TRDN: variants seen among roughly 807,000 people sequenced by gnomAD.
TRDN encodes the protein triadin in skeletal muscle.
TRDN carries 161 observed loss-of-function variants against 149.7 expected under a neutral mutation model. The observed-to-expected ratio is 1.08, with a 90% CI of 0.95 to 1.23. The LOEUF is 1.23. Among genes scored for constraint, TRDN ranks in the 50% most tolerant of loss-of-function variants. The pLI is 0.00. For missense variants in TRDN, 896 were observed against 823.5 expected, an observed-to-expected ratio of 1.09 and a Z score of -1.08; for synonymous variants, 294 against 250.5, an observed-to-expected ratio of 1.17 and a Z score of -1.64.
At chr6:123,299,740 A>AAAAATGAGCTAAGAGC (rs1778335748) in intron 24 of TRDN, among the ~76,000 whole-genome samples, 2 of 152,090 alleles carry the variant, frequency 1.3e-5, no homozygotes, top group South Asian at 4.1e-4. Context: ...AAAGTAGAAA[A>AAAAATGAGCTAAGAGC]AAAATGAGCT....
chr6:123,362,220 T>C (rs983557685), intron 20 of TRDN, among the ~76,000 whole-genome samples: 2 of 152,184 alleles, frequency 1.3e-5, no homozygotes, highest in Non-Finnish European at 2.9e-5. Flanking sequence ...AATCTCTCTC[T>C]CTTCCAATCT....
In TRDN at chr6:123,456,740, G is replaced by A. The variant is rs188879690; in HGVS notation, c.931+8166C>T. ...CACCTTGGCCTCCCAAAGTGTTGGGGATTACAGCATTCCTTATCCTTTATT... is the reference window on the plus strand; with the variant it reads ...CACCTTGGCCTCCCAAAGTGTTGGGAATTACAGCATTCCTTATCCTTTATT... On this transcript the variant is annotated intron_variant, in intron 10 of 40. Transcript: ENST00000334268. The A allele has an allele frequency of 9.9e-4, 446 of 452,740 alleles. 1 individual carries two copies. The highest frequency in any genetic ancestry group is 8.3e-3 in the African/African-American group (415 of 50,068). The allele number at this position is 452,740 out of a possible 1,614,324, so 28.0% of individuals were successfully genotyped here. A position where few individuals can be genotyped will look rare whatever the true frequency, so the allele number is the denominator to read the frequency against.
At chr6:123,461,820 G>A (rs541796689) in intron 10 of TRDN, among the ~76,000 whole-genome samples, 36 of 152,224 alleles carry the variant, frequency 2.4e-4, no homozygotes, top group Middle Eastern at 3.4e-3. Flanking sequence ...CACCTATAAT[G>A]TTAATATTAT....
In TRDN at chr6:123,570,969, A is replaced by G. The variant is rs754062517; in HGVS notation, c.186T>C (p.Ala62=). 1.2e-6 allele frequency: 2 copies of G among 1,613,894 alleles called. No homozygotes were observed. The highest frequency in any genetic ancestry group is 1.3e-5 in the African/African-American group (1 of 74,934). ...CTAAATCAAACATAACGATGGCAACAGCTGACCACGTGATTATCAGGGCAA... is the reference window on the plus strand; with the variant it reads ...CTAAATCAAACATAACGATGGCAACGGCTGACCACGTGATTATCAGGGCAA... ...LVIALIITWS[A]VAIVMFDLVD... The change falls in exon 2 of 41, where the codon GCT becomes GCC. Residue 62 remains alanine, a synonymous_variant. Coordinates refer to ENST00000334268, the MANE Select transcript of TRDN (RefSeq NM_006073.4).
chr6:123,219,003 T>TAAAGGC (rs1347718883), intron 40 of TRDN, among the ~76,000 whole-genome samples: 2 of 151,952 alleles, frequency 1.3e-5, no homozygotes, highest in Non-Finnish European at 2.9e-5. Flanking sequence ...GTAATAAGCC[T>TAAAGGC]TTAATAAGTG....
chr6:123,429,359 C>T (rs940996428), intron 12 of TRDN: 30 of 152,162 alleles, frequency 2.0e-4, no homozygotes, highest in African/African-American at 7.0e-4. Context: ...CTTTAAAATG[C>T]TGCTGATAAA....
At chr6:123,312,647 C>A (rs181561933) in intron 24 of TRDN, among the ~76,000 whole-genome samples, 8 of 152,036 alleles carry the variant, frequency 5.3e-5, no homozygotes, top group African/African-American at 1.9e-4. Flanking sequence ...AACCTAACTA[C>A]CACATTGTTC....
intron 24 of TRDN, among the ~76,000 whole-genome samples, chr6:123,290,118 T>C (rs781767714): frequency 3.0e-4 from 45 of 152,154 alleles, no homozygotes; most frequent in Admixed American, 1.8e-3. Flanking sequence ...TCTGGTGCCT[T>C]AGGGACTCCG....
At chr6:123,608,754 A>C (rs1562423590) in intron 1 of TRDN, among the ~76,000 whole-genome samples, 1 of 152,200 alleles carries the variant, frequency 6.6e-6, no homozygotes, top group Non-Finnish European at 1.5e-5. Context: ...TTTCTGGGGA[A>C]AATTTATCAT....
intron 1 of TRDN, among the ~76,000 whole-genome samples, chr6:123,618,939 T>C (rs1398543871): frequency 6.6e-6 from 1 of 152,120 alleles, no homozygotes; most frequent in Non-Finnish European, 1.5e-5. Flanking sequence ...TCAACATTTA[T>C]TAAATATATT....
intron 38 of TRDN, among the ~76,000 whole-genome samples, chr6:123,240,273 A>G (rs1006968397): frequency 2.6e-5 from 4 of 151,906 alleles, no homozygotes; most frequent in Non-Finnish European, 4.4e-5. Context: ...GACTGGAATA[A>G]TTTATATTAG....
intron 12 of TRDN, among the ~76,000 whole-genome samples, chr6:123,405,980 T>C (rs1773176141): frequency 1.3e-5 from 2 of 152,194 alleles, no homozygotes; most frequent in South Asian, 4.1e-4. Context: ...TTAATTTATC[T>C]TGAGACCATA....
chr6:123,280,159 A>T (rs117909350), intron 24 of TRDN, among the ~76,000 whole-genome samples: 3 of 152,130 alleles, frequency 2.0e-5, no homozygotes, highest in Non-Finnish European at 4.4e-5. Flanking sequence ...AGGCCAAGAC[A>T]GTCAGTTATC....
chr6:123,274,561 G>C, intron 27 of TRDN, 80 bp downstream of exon 27: 1 of 1,280,492 alleles, frequency 7.8e-7, no homozygotes, highest in Non-Finnish European at 1.1e-6. Context: ...TCTCCCTAGT[G>C]AGATGTAAGC....
At chr6:123,539,269 G>T (rs1780704376) in intron 4 of TRDN, among the ~76,000 whole-genome samples, 1 of 152,140 alleles carries the variant, frequency 6.6e-6, no homozygotes, top group Non-Finnish European at 1.5e-5. Context: ...TTAAAAGGCA[G>T]ATTTTAATTC....
At chr6:123,529,564 C>A in intron 5 of TRDN, 2 of 514,374 alleles carry the variant, frequency 3.9e-6, no homozygotes, top group South Asian at 2.0e-5. Context: ...TATAAATTCA[C>A]GTGCTAGTAT....
chr6:123,422,943 G>C (rs1773971427), intron 12 of TRDN, among the ~76,000 whole-genome samples: 1 of 152,054 alleles, frequency 6.6e-6, no homozygotes, highest in Non-Finnish European at 1.5e-5. Context: ...TTAGTAAAAA[G>C]GTGTAACAGG....
chr6:123,315,590 A>G (rs1778993827), intron 24 of TRDN, among the ~76,000 whole-genome samples: 1 of 151,936 alleles, frequency 6.6e-6, no homozygotes, highest in South Asian at 2.1e-4. Context: ...TTAGACCAAC[A>G]TCATGAATGT....
chr6:123,377,431 A>G (rs1781550543), intron 18 of TRDN, among the ~76,000 whole-genome samples: 1 of 152,210 alleles, frequency 6.6e-6, no homozygotes, highest in African/African-American at 2.4e-5. Context: ...CTGATTCAGT[A>G]GGTCTTGAGT....
Sources: allele counts gnomAD v4.1 joint callset (sites outside exome capture counted in the v4.1 genomes callset), GRCh38; gene constraint gnomAD v4.1.1; transcripts MANE v1.5; gene names NCBI Gene and HGNC (gene_info 2026-07-23, HGNC 2026-07-21).